CNTN4: variants seen among roughly 807,000 people sequenced by gnomAD.
The protein encoded by CNTN4 is contactin-4.
A neutral mutation model predicts 122.5 loss-of-function variants in CNTN4; 77 were observed. The ratio of observed to expected loss-of-function variants is 0.63; its 90% CI spans 0.52 to 0.76. The LOEUF (loss-of-function observed/expected upper bound fraction) is 0.76. Ranked by LOEUF, CNTN4 falls within the 30% of genes least tolerant of loss-of-function variation. The pLI is 0.00. For synonymous variants in CNTN4, 512 were observed against 447.0 expected (o/e 1.15, Z -1.83); for missense variants, 1,256 against 1,259.1 (o/e 1.00, Z 0.04).
At chr3:2,907,000 T>G (rs1272958739) in intron 12 of CNTN4, among the ~76,000 whole-genome samples, 1 of 152,192 alleles carries the variant, frequency 6.6e-6, no homozygotes, top group Non-Finnish European at 1.5e-5. Context: ...TCAGGTAAAT[T>G]GAAGGGCAGT....
intron 13 of CNTN4, among the ~76,000 whole-genome samples, chr3:2,928,380 T>G (rs1577305870): frequency 6.6e-6 from 1 of 152,210 alleles, no homozygotes; most frequent in East Asian, 1.9e-4. Context: ...TCTCATTTCT[T>G]TCTGATAGAG....
intron 3 of CNTN4, among the ~76,000 whole-genome samples, chr3:2,437,824 A>C (rs1559552503): frequency 6.6e-6 from 1 of 152,200 alleles, no homozygotes; most frequent in Non-Finnish European, 1.5e-5. Context: ...AAAGGGGCAC[A>C]TGGTGAGCTG....
At chr3:2,274,929 A>C (rs531967483) in intron 2 of CNTN4, among the ~76,000 whole-genome samples, 2 of 152,310 alleles carry the variant, frequency 1.3e-5, no homozygotes, top group African/African-American at 4.8e-5. Flanking sequence ...TACTGTGTCA[A>C]AGGGCACAGG....
At chr3:2,750,035 A>T (rs556670412) in intron 6 of CNTN4, among the ~76,000 whole-genome samples, 1 of 152,278 alleles carries the variant, frequency 6.6e-6, no homozygotes, top group East Asian at 1.9e-4. Context: ...CTCTTTAATC[A>T]TACAATTTTA....
chr3:2,475,235 A>G (rs971025883), intron 3 of CNTN4, among the ~76,000 whole-genome samples: 3 of 152,214 alleles, frequency 2.0e-5, no homozygotes, highest in East Asian at 1.9e-4. Flanking sequence ...GATAACTGCT[A>G]TCATGTTGAG....
chr3:2,182,293 C>A (rs1389299118), intron 2 of CNTN4, among the ~76,000 whole-genome samples: 1 of 151,894 alleles, frequency 6.6e-6, no homozygotes, highest in African/African-American at 2.4e-5. Flanking sequence ...ACACACCCCA[C>A]ACACATATAC....
chr3:2,495,720 G>T (rs777793362), intron 3 of CNTN4, among the ~76,000 whole-genome samples: 1 of 152,166 alleles, frequency 6.6e-6, no homozygotes, highest in Non-Finnish European at 1.5e-5. Context: ...AATGCCTGAT[G>T]ACCTGAGGGG....
intron 3 of CNTN4, among the ~76,000 whole-genome samples, chr3:2,477,092 A>G (rs145864058): frequency 6.6e-6 from 1 of 152,320 alleles, no homozygotes; most frequent in Non-Finnish European, 1.5e-5. Context: ...CCATAAGATG[A>G]AATTGAACAA....
intron 14 of CNTN4, among the ~76,000 whole-genome samples, chr3:2,995,458 G>T (rs956222984): frequency 3.9e-5 from 6 of 152,124 alleles, no homozygotes; most frequent in African/African-American, 1.4e-4. Flanking sequence ...ATGACAGTCT[G>T]CCCTGACTCC....
At chr3:2,291,138 G>C (rs573142583) in intron 2 of CNTN4, among the ~76,000 whole-genome samples, 1 of 152,102 alleles carries the variant, frequency 6.6e-6, no homozygotes, top group Admixed American at 6.5e-5. Context: ...TGATATTTTT[G>C]TTATTCTTAT....
intron 2 of CNTN4, among the ~76,000 whole-genome samples, chr3:2,169,381 C>T (rs2036340467): frequency 6.6e-6 from 1 of 152,078 alleles, no homozygotes; most frequent in Non-Finnish European, 1.5e-5. Context: ...TCCCCAGTAA[C>T]ATTTTTAGAA....
chr3:2,499,847 C>T (rs1178632346), intron 3 of CNTN4, among the ~76,000 whole-genome samples: 1 of 151,990 alleles, frequency 6.6e-6, no homozygotes, highest in Non-Finnish European at 1.5e-5. Flanking sequence ...TTTACATTGA[C>T]CCTTCCAGTT....
intron 3 of CNTN4, among the ~76,000 whole-genome samples, chr3:2,520,362 A>G (rs1260497532): frequency 7.1e-6 from 1 of 140,616 alleles, no homozygotes; most frequent in African/African-American, 2.7e-5. Context: ...AACATTCACC[A>G]TCTGGGCTCA....
At chr3:3,032,041 G>A (rs991922068) in intron 16 of CNTN4, among the ~76,000 whole-genome samples, 7 of 152,166 alleles carry the variant, frequency 4.6e-5, no homozygotes, top group African/African-American at 1.7e-4. Flanking sequence ...TAAACTGATT[G>A]TGAAGAGAGG....
At position 2,640,989 on chromosome 3, in the gene CNTN4, T is replaced by C. The variant is rs182901535; in HGVS notation, c.55+69431T>C. ...ATGATTAACAGGAAGAGAAAAAAAT[T>C]GGAGGGAGGTCATAAAGATTTTCCT... is the stretch of plus-strand genomic sequence containing the variant. On this transcript the variant is annotated intron_variant, in intron 4 of 24. Coordinates refer to ENST00000418658, the MANE Select transcript of CNTN4 (RefSeq NM_175607.3). Among the ~76,000 whole-genome samples the C allele has an allele frequency of 7.2e-5, 11 of 152,266 alleles. No homozygotes were observed. In the East Asian group the frequency reaches 2.1e-3, roughly 29 times the overall value.
intron 6 of CNTN4, among the ~76,000 whole-genome samples, chr3:2,764,405 A>G (rs1332692096): frequency 2.0e-5 from 3 of 152,214 alleles, no homozygotes; most frequent in Non-Finnish European, 4.4e-5. Context: ...AAAATACAGA[A>G]TGTACAAAGG....
At chr3:2,405,579 A>G (rs368912878) in intron 3 of CNTN4, among the ~76,000 whole-genome samples, 1 of 142,888 alleles carries the variant, frequency 7.0e-6, no homozygotes, top group African/African-American at 2.6e-5. Flanking sequence ...ATGCGAACCC[A>G]TACTGTTATA....
At chr3:2,260,979 C>T (rs1173007950) in intron 2 of CNTN4, among the ~76,000 whole-genome samples, 3 of 152,080 alleles carry the variant, frequency 2.0e-5, no homozygotes, top group Non-Finnish European at 4.4e-5. Context: ...GATCTGCCTG[C>T]CTCGGCCTCC....
intron 4 of CNTN4, among the ~76,000 whole-genome samples, chr3:2,728,046 A>G (rs1172460586): frequency 1.3e-5 from 2 of 152,216 alleles, no homozygotes; most frequent in South Asian, 2.1e-4. Context: ...TCAAGTAGGC[A>G]CTTGGGTAAG....
Sources: allele counts gnomAD v4.1 joint callset (sites outside exome capture counted in the v4.1 genomes callset), GRCh38; gene constraint gnomAD v4.1.1; transcripts MANE v1.5; gene names NCBI Gene and HGNC (gene_info 2026-07-23, HGNC 2026-07-21).